Variants in TACR3 observed in about 807,000 individuals in gnomAD.
The protein encoded by TACR3 is neuromedin-K receptor.
Under a neutral mutation model 35.0 loss-of-function variants are expected in TACR3, and 34 were observed. The observed-to-expected ratio is 0.97, with a 90% CI of 0.74 to 1.30. The LOEUF (loss-of-function observed/expected upper bound fraction) is 1.30. TACR3 is among the 50% of genes most tolerant of loss of function. The pLI, the probability that TACR3 is intolerant of heterozygous loss-of-function variation, is 0.00. For synonymous variants in TACR3, 233 were observed against 221.1 expected (o/e 1.05, Z -0.48); for missense variants, 558 against 591.7 (o/e 0.94, Z 0.59).
intron 1 of TACR3, among the ~76,000 whole-genome samples, chr4:103,711,037 A>C (rs1722943255): frequency 6.6e-6 from 1 of 152,178 alleles, no homozygotes; most frequent in Admixed American, 6.5e-5. Flanking sequence ...GGCCAGATGG[A>C]TTCACAGCCA....
chr4:103,621,197 A>G (rs1724770767), intron 3 of TACR3, among the ~76,000 whole-genome samples: 1 of 152,208 alleles, frequency 6.6e-6, no homozygotes. Flanking sequence ...AGAGCAATTG[A>G]AAAGCAGTGG....
At chr4:103,632,582 G>C (rs941445770) in intron 3 of TACR3, among the ~76,000 whole-genome samples, 2 of 151,842 alleles carry the variant, frequency 1.3e-5, no homozygotes, top group Non-Finnish European at 2.9e-5. Flanking sequence ...TGGGTCAATA[G>C]GTGCAGCAAA....
intron 3 of TACR3, among the ~76,000 whole-genome samples, chr4:103,626,965 G>T (rs1210861297): frequency 1.3e-5 from 2 of 151,352 alleles, no homozygotes; most frequent in Non-Finnish European, 2.9e-5. Context: ...ACGAGGCCAG[G>T]AGTTGGAGAC....
chr4:103,692,523 T>A (rs1254227361), intron 1 of TACR3, among the ~76,000 whole-genome samples: 1 of 152,124 alleles, frequency 6.6e-6, no homozygotes, highest in African/African-American at 2.4e-5. Context: ...ATAATGAAAC[T>A]TAGTTAAGAT....
intron 3 of TACR3, among the ~76,000 whole-genome samples, chr4:103,615,396 T>TGAGAGA (rs1424120503): frequency 1.6e-5 from 2 of 122,606 alleles, no homozygotes; most frequent in Admixed American, 8.0e-5. Flanking sequence ...TGTGTGTGTG[T>TGAGAGA]GTGAGAGAGA....
chr4:103,592,537 GC>G (rs2110283729), intron 3 of TACR3, among the ~76,000 whole-genome samples: 2 of 152,220 alleles, frequency 1.3e-5, no homozygotes, highest in South Asian at 4.1e-4. Flanking sequence ...TTGATATATA[GC>G]TGGAGATAAA....
chr4:103,694,213 TACA>T (rs1722473003), intron 1 of TACR3, among the ~76,000 whole-genome samples: 8 of 149,618 alleles, frequency 5.3e-5, no homozygotes, highest in African/African-American at 2.0e-4. Context: ...TACACTTCCT[TACA>T]CTATGCACAT....
chr4:103,719,916 G>T lies in TACR3; in HGVS notation c.-241C>A. 1 of 594,222 alleles carries T rather than the reference G, an allele frequency of 1.7e-6. No homozygotes were observed. The highest frequency in any genetic ancestry group is 2.8e-5 in the East Asian group (1 of 35,822). 36.8% of individuals were successfully genotyped at this position (594,222 alleles called of 1,614,324 possible). On this transcript the variant is annotated 5_prime_UTR_variant, in exon 1 of 5. Transcript: ENST00000304883. ...CAGGCAGAAAGAATGAGATCCTCCC[G>T]AGATTAAGGGTTATCGAGTCACATC...
At chr4:103,632,471 AAG>A (rs796225726) in intron 3 of TACR3, among the ~76,000 whole-genome samples, 54 of 152,014 alleles carry the variant, frequency 3.6e-4, no homozygotes, top group African/African-American at 1.2e-3. Context: ...TTTCACTTAT[AAG>A]AGAGAGTTGA....
At chr4:103,616,127 A>G (rs1282841654) in intron 3 of TACR3, among the ~76,000 whole-genome samples, 1 of 152,236 alleles carries the variant, frequency 6.6e-6, no homozygotes, top group African/African-American at 2.4e-5. Context: ...ACTCCTAGAC[A>G]GGATAGTGAA....
chr4:103,695,711 C>CTGTGTGTGTGTG (rs10603685), intron 1 of TACR3, among the ~76,000 whole-genome samples: 19 of 146,196 alleles, frequency 1.3e-4, no homozygotes, highest in African/African-American at 4.0e-4. Context: ...GTCTCTCTCT[C>CTGTGTGTGTGTG]TGTGTGTGTG....
chr4:103,594,074 G>C (rs1355357399), intron 3 of TACR3, among the ~76,000 whole-genome samples: 1 of 152,016 alleles, frequency 6.6e-6, no homozygotes, highest in Non-Finnish European at 1.5e-5. Context: ...AGTATCATTT[G>C]GTTTTCATTT....
chr4:103,706,064 G>A (rs1722780452), intron 1 of TACR3, among the ~76,000 whole-genome samples: 1 of 152,128 alleles, frequency 6.6e-6, no homozygotes, highest in African/African-American at 2.4e-5. Flanking sequence ...ACATGAGGGT[G>A]GCTTGGAGTA....
intron 1 of TACR3, among the ~76,000 whole-genome samples, chr4:103,683,601 A>G (rs1457912364): frequency 2.6e-5 from 4 of 151,776 alleles, no homozygotes; most frequent in African/African-American, 9.7e-5. Context: ...ATATAAATAG[A>G]TAAAATAGAC....
intron 1 of TACR3, among the ~76,000 whole-genome samples, chr4:103,703,994 T>C (rs1331007231): frequency 1.3e-5 from 2 of 149,320 alleles, no homozygotes; most frequent in Non-Finnish European, 3.0e-5. Context: ...GTCCCAGCTA[T>C]GCAGGAGGCT....
At chr4:103,706,346 A>G (rs140468032) in intron 1 of TACR3, among the ~76,000 whole-genome samples, 668 of 152,314 alleles carry the variant, frequency 4.4e-3, no homozygotes, top group Middle Eastern at 0.01. Flanking sequence ...AGCCAAATAC[A>G]TGAATTATCT....
chr4:103,588,728 T>C lies in TACR3; in HGVS notation c.*954A>G, dbSNP rs1723829663. On this transcript the variant is annotated 3_prime_UTR_variant, in exon 5 of 5. Transcript: ENST00000304883. Reference sequence around the variant, plus strand: ...TATTTTTCAACCATATAGTCTTTTGTCACACTTGTGACTTTTTTTCCCTAA... The same window carrying C: ...TATTTTTCAACCATATAGTCTTTTGCCACACTTGTGACTTTTTTTCCCTAA... 1 of 152,144 alleles carries C rather than the reference T, an allele frequency of 6.6e-6. No individual in the cohort carries two copies. Among genetic ancestry groups the C allele is most frequent in the Non-Finnish European group, 1.5e-5 (1 of 67,984 alleles). The allele number at this position is 152,144 out of a possible 1,614,324, so 9.4% of individuals were successfully genotyped here.
At chr4:103,701,464 G>A (rs1722647184) in intron 1 of TACR3, among the ~76,000 whole-genome samples, 1 of 151,982 alleles carries the variant, frequency 6.6e-6, no homozygotes, top group Non-Finnish European at 1.5e-5. Flanking sequence ...TGTGAAAATG[G>A]CCATACTGCC....
chr4:103,714,918 G>C (rs1723054258), intron 1 of TACR3, among the ~76,000 whole-genome samples: 1 of 152,004 alleles, frequency 6.6e-6, no homozygotes, highest in African/African-American at 2.4e-5. Flanking sequence ...GAGGATCTTT[G>C]AGTACTTTGC....
Sources: gnomAD v4.1 joint callset for allele counts (sites outside exome capture counted in the v4.1 genomes callset) on GRCh38, gnomAD v4.1.1 for gene constraint, MANE v1.5 for transcripts, NCBI Gene and HGNC (gene_info 2026-07-23, HGNC 2026-07-21) for gene names.